USP13: variants seen among roughly 807,000 people sequenced by gnomAD.
The protein encoded by USP13 is ubiquitin specific peptidase 13.
In USP13, 68 loss-of-function variants were observed where a neutral mutation model predicts 107.8. That is an observed-to-expected ratio of 0.63 (90% CI 0.52 to 0.77). The LOEUF (loss-of-function observed/expected upper bound fraction) is 0.77, where lower values mean the gene tolerates loss of function less well. Ranked by LOEUF, USP13 falls within the 30% of genes least tolerant of loss-of-function variation. The probability of loss-of-function intolerance (pLI) is 0.00; values close to 1 mark genes in which losing one functional copy is unlikely to be tolerated. For missense variants in USP13, 945 were observed against 1,093.3 expected, an observed-to-expected ratio of 0.86 and a Z score of 1.91; for synonymous variants, 377 against 389.5, an observed-to-expected ratio of 0.97 and a Z score of 0.38.
In USP13 at chr3:179,740,237, T is replaced by C. The variant is rs760578834; in HGVS notation, c.1255-10T>C. 1.2e-6 allele frequency: 2 copies of C among 1,613,524 alleles called. No individual in the cohort carries two copies. The highest frequency in any genetic ancestry group is 1.1e-5 in the South Asian group (1 of 91,048). ...AAGTATCATAAGTCCATTTCATTTT[T>C]ATACATTAGCCACAGCAGAACGGGA... On this transcript the variant is annotated splice_polypyrimidine_tract_variant and intron_variant, in intron 10 of 20. Coordinates refer to ENST00000263966, the MANE Select transcript of USP13 (RefSeq NM_003940.3).
At chr3:179,741,187 T>A (rs138804296) in intron 11 of USP13, among the ~76,000 whole-genome samples, 2 of 151,388 alleles carry the variant, frequency 1.3e-5, no homozygotes, top group East Asian at 3.9e-4. Context: ...AGCCAGCCAG[T>A]GTTTTTTGTT....
At chr3:179,672,650 G>A (rs1223420771) in intron 1 of USP13, among the ~76,000 whole-genome samples, 1 of 152,104 alleles carries the variant, frequency 6.6e-6, no homozygotes, top group East Asian at 1.9e-4. Context: ...GCCAGGATGG[G>A]CTTGATCTCC....
intron 13 of USP13, among the ~76,000 whole-genome samples, chr3:179,746,979 GA>G (rs1484327108): frequency 6.6e-6 from 1 of 151,524 alleles, no homozygotes; most frequent in Non-Finnish European, 1.5e-5. Context: ...TTTCAAAAAG[GA>G]AAAACAAGCC....
chr3:179,653,327 G>C lies in USP13; in HGVS notation c.102G>C (p.Thr34=). The C allele has an allele frequency of 1.3e-6, 2 of 1,578,760 alleles. No individual in the cohort carries two copies. Among genetic ancestry groups the C allele is most frequent in the Non-Finnish European group, 1.7e-6 (2 of 1,162,804 alleles). ...IGELLVPHMP[T]IRVPRSGDRV... Reference sequence around the variant, plus strand: ...AGCTGCTAGTGCCCCACATGCCCACGATCCGCGTGCCCAGGTCCGGCGACA... The same window carrying C: ...AGCTGCTAGTGCCCCACATGCCCACCATCCGCGTGCCCAGGTCCGGCGACA... Residue 34 remains threonine, a synonymous_variant, in exon 1 of 21, where the codon ACG becomes ACC. Coordinates refer to ENST00000263966, the MANE Select transcript of USP13 (RefSeq NM_003940.3). The surrounding 1 kb of genome is among the most constrained non-coding windows in gnomAD (Gnocchi z 4.0).
intron 1 of USP13, among the ~76,000 whole-genome samples, chr3:179,669,745 T>G (rs1447764580): frequency 6.6e-6 from 1 of 152,236 alleles, no homozygotes; most frequent in Admixed American, 6.5e-5. Flanking sequence ...TAACTTAATT[T>G]AAATTTAAAT....
intron 1 of USP13, among the ~76,000 whole-genome samples, chr3:179,660,875 C>G (rs528430773): frequency 6.6e-6 from 1 of 152,288 alleles, no homozygotes; most frequent in Admixed American, 6.5e-5. Flanking sequence ...CTTCCAAAAG[C>G]AACTAGCTGA....
chr3:179,717,983 A>T (rs1233810042), intron 6 of USP13, among the ~76,000 whole-genome samples: 1 of 152,178 alleles, frequency 6.6e-6, no homozygotes, highest in African/African-American at 2.4e-5. Flanking sequence ...GGGAGCAGCG[A>T]GTCTCCATAT....
At chr3:179,722,006 C>T (rs569086165) in intron 8 of USP13, among the ~76,000 whole-genome samples, 16 of 147,976 alleles carry the variant, frequency 1.1e-4, no homozygotes, top group Non-Finnish European at 2.4e-4. Context: ...GCAGAGGTTG[C>T]AGTGAGCCAA....
chr3:179,758,479 C>T (rs1218632875), intron 16 of USP13, among the ~76,000 whole-genome samples: 3 of 152,122 alleles, frequency 2.0e-5, no homozygotes, highest in Non-Finnish European at 2.9e-5. Flanking sequence ...CATGAACTGA[C>T]ATTTGCATCC....
chr3:179,655,503 G>T (rs1720223298), intron 1 of USP13, among the ~76,000 whole-genome samples: 2 of 150,378 alleles, frequency 1.3e-5, no homozygotes, highest in South Asian at 4.2e-4. Flanking sequence ...GGAAGGGAAG[G>T]TTTGATAATA....
Position 179,765,758 on chromosome 3 carries a change from G to A in USP13, c.2323G>A (p.Asp775Asn), listed in dbSNP as rs1715153505. 1 of 1,614,180 alleles carries A rather than the reference G, an allele frequency of 6.2e-7. No individual in the cohort carries two copies. The highest frequency in any genetic ancestry group is 8.5e-7 in the Non-Finnish European group (1 of 1,180,038). The change falls in exon 19 of 21, where the codon GAT becomes AAT. Residue 775 changes from aspartate (D) to asparagine (N), a missense_variant. Transcript: ENST00000263966. ...FSHPEFEEDSDFVIEMENNAN... is the reference protein window; with the variant it reads ...FSHPEFEEDSNFVIEMENNAN... ...CCACCCTGAGTTTGAAGAAGACAGTGATTTTGTGATTGAGATGGAGAATAA... is the reference window on the plus strand; with the variant it reads ...CCACCCTGAGTTTGAAGAAGACAGTAATTTTGTGATTGAGATGGAGAATAA...
At chr3:179,692,294 T>C (rs1297874273) in intron 3 of USP13, among the ~76,000 whole-genome samples, 1 of 152,268 alleles carries the variant, frequency 6.6e-6, no homozygotes, top group African/African-American at 2.4e-5. Flanking sequence ...ACATGAATTA[T>C]TTGAAAAGTG....
At chr3:179,724,621 T>C (rs989316835) in intron 8 of USP13, among the ~76,000 whole-genome samples, 1 of 152,168 alleles carries the variant, frequency 6.6e-6, no homozygotes, top group Non-Finnish European at 1.5e-5. Flanking sequence ...TTGAACCTAG[T>C]TTACATTTCA....
intron 13 of USP13, among the ~76,000 whole-genome samples, chr3:179,747,129 G>T (rs1196150589): frequency 6.6e-6 from 1 of 152,110 alleles, no homozygotes; most frequent in African/African-American, 2.4e-5. Context: ...TTGTGTGTGT[G>T]TATGTTGTGT....
chr3:179,663,065 A>G (rs1377887655), intron 1 of USP13, among the ~76,000 whole-genome samples: 1 of 152,198 alleles, frequency 6.6e-6, no homozygotes, highest in Non-Finnish European at 1.5e-5. Context: ...ACTGTTTTGC[A>G]GTTATCACCA....
intron 19 of USP13, among the ~76,000 whole-genome samples, chr3:179,776,173 AC>A (rs1560083954): frequency 6.6e-6 from 1 of 152,150 alleles, no homozygotes; most frequent in Non-Finnish European, 1.5e-5. Context: ...GGAGCCAGCA[AC>A]TTTTTTCTCT....
At chr3:179,737,440 G>A (rs1339787071) in intron 10 of USP13, among the ~76,000 whole-genome samples, 1 of 152,136 alleles carries the variant, frequency 6.6e-6, no homozygotes, top group Non-Finnish European at 1.5e-5. Flanking sequence ...TCTGCTTAAT[G>A]AGTACATAAA....
intron 8 of USP13, among the ~76,000 whole-genome samples, chr3:179,727,159 T>C (rs1713550939): frequency 7.1e-6 from 1 of 140,728 alleles, no homozygotes; most frequent in East Asian, 2.1e-4. Context: ...GAACAATTTT[T>C]AATGTTTTTT....
chr3:179,703,402 G>A (rs1712602254), intron 4 of USP13, among the ~76,000 whole-genome samples: 1 of 152,144 alleles, frequency 6.6e-6, no homozygotes, highest in African/African-American at 2.4e-5. Context: ...TAGCACAGAA[G>A]AATTTCATTT....
Sources: allele counts gnomAD v4.1 joint callset (sites outside exome capture counted in the v4.1 genomes callset), GRCh38; gene constraint gnomAD v4.1.1; non-coding constraint Gnocchi (gnomAD v3.1); transcripts MANE v1.5; gene names NCBI Gene and HGNC (gene_info 2026-07-23, HGNC 2026-07-21).